The following IL1RAPL1 variants were observed in gnomAD, a reference collection of about 807,000 sequenced individuals.
IL1RAPL1 encodes interleukin-1 receptor accessory protein-like 1.
Under a neutral mutation model 48.4 loss-of-function variants are expected in IL1RAPL1, and 3 were observed. The ratio of observed to expected loss-of-function variants is 0.06; its 90% CI spans 0.03 to 0.16. IL1RAPL1 has a LOEUF of 0.16. IL1RAPL1 is among the 10% of genes least tolerant of loss of function. The probability of loss-of-function intolerance (pLI) is 1.00; values close to 1 mark genes in which losing one functional copy is unlikely to be tolerated. For synonymous variants in IL1RAPL1, 185 were observed against 187.7 expected, an observed-to-expected ratio of 0.99 and a Z score of 0.12; for missense variants, 349 against 530.6, an observed-to-expected ratio of 0.66 and a Z score of 3.36.
chrX:28,802,799 A>G (rs1005962955), intron 2 of IL1RAPL1, among the ~76,000 whole-genome samples: 4 of 111,864 alleles, frequency 3.6e-5, no homozygotes, highest in Non-Finnish European at 5.6e-5. Context: ...CTATAAAGCA[A>G]TTGTACTCTC....
At chrX:29,648,338 T>A (rs1346406602) in intron 5 of IL1RAPL1, among the ~76,000 whole-genome samples, 1 of 111,916 alleles carries the variant, frequency 8.9e-6, no homozygotes, top group African/African-American at 3.2e-5. Context: ...AGAATACAGA[T>A]CCTTCTCAAC....
At chrX:28,711,692 A>G (rs1349801750) in intron 1 of IL1RAPL1, among the ~76,000 whole-genome samples, 1 of 108,050 alleles carries the variant, frequency 9.3e-6, no homozygotes, top group African/African-American at 3.3e-5. Context: ...GGGCCTGGCC[A>G]AGAAGGGGAA....
At chrX:29,087,399 G>A (rs1015697944) in intron 2 of IL1RAPL1, among the ~76,000 whole-genome samples, 1 of 110,789 alleles carries the variant, frequency 9.0e-6, no homozygotes, top group Non-Finnish European at 1.9e-5. Context: ...GCCTCCCAAA[G>A]TGCTGTGATT....
chrX:29,209,252 C>T (rs1930724860), intron 2 of IL1RAPL1, among the ~76,000 whole-genome samples: 1 of 112,113 alleles, frequency 8.9e-6, no homozygotes, highest in Admixed American at 9.5e-5. Flanking sequence ...TTCATTTCCA[C>T]TCTCCTCCCC....
intron 6 of IL1RAPL1, among the ~76,000 whole-genome samples, chrX:29,812,589 G>A (rs1017191348): frequency 5.4e-5 from 6 of 111,193 alleles, no homozygotes; most frequent in African/African-American, 2.0e-4. Context: ...CTCAGTGGAT[G>A]GAGATGAATT....
chrX:28,695,362 C>T (rs1295422762), intron 1 of IL1RAPL1, among the ~76,000 whole-genome samples: 4 of 110,665 alleles, frequency 3.6e-5, no homozygotes, highest in Admixed American at 9.7e-5. Flanking sequence ...GAATTTGAAT[C>T]CTGACAGTCT....
chrX:29,671,411 A>G (rs1308013489), intron 6 of IL1RAPL1, among the ~76,000 whole-genome samples: 3 of 112,226 alleles, frequency 2.7e-5, no homozygotes, highest in Non-Finnish European at 5.6e-5. Context: ...AAATCATATA[A>G]TGGAAACTAA....
chrX:29,466,646 T>C (rs1421451376), intron 5 of IL1RAPL1, among the ~76,000 whole-genome samples: 1 of 112,313 alleles, frequency 8.9e-6, no homozygotes, highest in Non-Finnish European at 1.9e-5. Context: ...CTGAACTTCA[T>C]AGCCTTAGCA....
chrX:28,728,820 G>T (rs918413976), intron 1 of IL1RAPL1, among the ~76,000 whole-genome samples: 3 of 111,247 alleles, frequency 2.7e-5, no homozygotes, highest in African/African-American at 9.8e-5. Context: ...AGTCAAGTAG[G>T]AAACTCATTT....
At chrX:29,379,201 A>T (rs1441581798) in intron 3 of IL1RAPL1, among the ~76,000 whole-genome samples, 1 of 112,595 alleles carries the variant, frequency 8.9e-6, no homozygotes, top group Non-Finnish European at 1.9e-5. Flanking sequence ...TACTCAGGTG[A>T]AGCAAAGCAT....
chrX:29,796,890 T>C (rs1019872874), intron 6 of IL1RAPL1, among the ~76,000 whole-genome samples: 3 of 112,531 alleles, frequency 2.7e-5, no homozygotes, highest in Admixed American at 9.4e-5. Context: ...AAAATTGACA[T>C]AGCCCAGGCT....
rs5985939 is a variant in IL1RAPL1 at position 28,993,430 on chromosome X, G to A, written c.82+204005G>A. On this transcript the variant is annotated intron_variant, in intron 2 of 10. Coordinates refer to ENST00000378993, the MANE Select transcript of IL1RAPL1 (RefSeq NM_014271.4). ...GCACTGGGGTGGCGGCAGTAGAGAT[G>A]AGCTGTGAACAAGTCGATCCAAGAT... is the stretch of plus-strand genomic sequence containing the variant. 4.0e-3 allele frequency among the ~76,000 whole-genome samples: 445 copies of A among 111,787 alleles called. 4 individuals are homozygous for A. The highest frequency in any genetic ancestry group is 0.014 in the African/African-American group (435 of 30,806).
intron 1 of IL1RAPL1, among the ~76,000 whole-genome samples, chrX:28,703,932 A>C (rs1405346689): frequency 1.8e-5 from 2 of 111,374 alleles, no homozygotes; most frequent in Non-Finnish European, 3.8e-5. Context: ...TTTTCTGTTC[A>C]TTTGAGTTTC....
chrX:28,681,919 A>G (rs975419073), intron 1 of IL1RAPL1, among the ~76,000 whole-genome samples: 8 of 111,907 alleles, frequency 7.1e-5, no homozygotes, highest in African/African-American at 2.6e-4. Flanking sequence ...TTACACCAAT[A>G]TCAAGCCCCA....
intron 1 of IL1RAPL1, among the ~76,000 whole-genome samples, chrX:28,648,226 A>G (rs781679669): frequency 1.8e-5 from 2 of 111,418 alleles, no homozygotes; most frequent in Non-Finnish European, 3.8e-5. Context: ...ACCCATCTAA[A>G]TCAGCTCATG....
intron 1 of IL1RAPL1, among the ~76,000 whole-genome samples, chrX:28,594,698 A>G (rs1933937089): frequency 8.9e-6 from 1 of 112,104 alleles, no homozygotes; most frequent in Non-Finnish European, 1.9e-5. Flanking sequence ...TAGTACAGCT[A>G]ATGTTGGCAT....
intron 6 of IL1RAPL1, among the ~76,000 whole-genome samples, chrX:29,804,750 T>C (rs750792119): frequency 1.8e-5 from 2 of 111,917 alleles, no homozygotes; most frequent in South Asian, 7.5e-4. Flanking sequence ...ACATGTAAAG[T>C]GCAGAATAAG....
At chrX:28,821,254 A>G (rs775447979) in intron 2 of IL1RAPL1, among the ~76,000 whole-genome samples, 100 of 111,413 alleles carry the variant, frequency 9.0e-4, no homozygotes, top group Non-Finnish European at 1.7e-3. Flanking sequence ...GAGAAGTTTC[A>G]TGATAGTTCT....
At chrX:29,449,926 C>T (rs1330970719) in intron 5 of IL1RAPL1, among the ~76,000 whole-genome samples, 2 of 104,454 alleles carry the variant, frequency 1.9e-5, no homozygotes, top group African/African-American at 7.2e-5. Context: ...TAAAAATGGA[C>T]CAAAAAAAAA....
Sources: gnomAD v4.1 joint callset for allele counts (sites outside exome capture counted in the v4.1 genomes callset) on GRCh38, gnomAD v4.1.1 for gene constraint, MANE v1.5 for transcripts, NCBI Gene and HGNC (gene_info 2026-07-23, HGNC 2026-07-21) for gene names.